NLRP12: variants seen among roughly 807,000 people sequenced by gnomAD.
NLRP12 encodes the protein NLR family pyrin domain containing 12.
A neutral mutation model predicts 91.2 loss-of-function variants in NLRP12; 108 were observed. The observed-to-expected ratio is 1.18, with a 90% CI of 1.01 to 1.39. NLRP12 has a LOEUF of 1.39. Ranked by LOEUF, NLRP12 falls within the 40% of genes most tolerant of loss-of-function variation. The pLI is 0.00. For missense variants in NLRP12, 1,530 were observed against 1,352.7 expected, an observed-to-expected ratio of 1.13 and a Z score of -2.06; for synonymous variants, 613 against 566.7, an observed-to-expected ratio of 1.08 and a Z score of -1.16.
chr19:53,811,900 G>A (rs1047251799), intron 2 of NLRP12, among the ~76,000 whole-genome samples: 3 of 152,034 alleles, frequency 2.0e-5, no homozygotes, highest in South Asian at 2.1e-4. Context: ...TTTATAGAAC[G>A]GGTACATTAC....
intron 5 of NLRP12, among the ~76,000 whole-genome samples, chr19:53,804,739 T>A (rs1053879925): frequency 1.5e-4 from 22 of 146,160 alleles, no homozygotes; most frequent in Admixed American, 8.2e-4. Context: ...AAAAAAAAAT[T>A]TTTGTAGGTC....
rs759470723 is a variant in NLRP12, at chr19:53,807,599, T to C, written c.2139A>G (p.Pro713=). 4 of 1,613,992 alleles carry C rather than the reference T, an allele frequency of 2.5e-6. No homozygotes were observed. The highest frequency in any genetic ancestry group is 3.4e-6 in the Non-Finnish European group (4 of 1,180,022). ...GGTACAGAGACAGCTCTATCAGGTT[T>C]GGATTGGTGCACAGGGCCGCTGCCA... is the stretch of plus-strand genomic sequence containing the variant. ...EHLAAALCTN[P]NLIELSLYRN... Residue 713 remains proline, a synonymous_variant, in exon 4 of 10, where the codon CCA becomes CCG. Coordinates refer to ENST00000324134, the MANE Select transcript of NLRP12 (RefSeq NM_144687.4).
At chr19:53,822,513 A>G (rs1158434781) in intron 1 of NLRP12, among the ~76,000 whole-genome samples, 5 of 151,984 alleles carry the variant, frequency 3.3e-5, no homozygotes, top group Non-Finnish European at 7.4e-5. Flanking sequence ...TGGGTGGATC[A>G]CGAGGTCAGA....
At chr19:53,813,866 T>TTG (rs2092117907) in intron 2 of NLRP12, among the ~76,000 whole-genome samples, 1 of 147,196 alleles carries the variant, frequency 6.8e-6, no homozygotes. Context: ...GTTCGATTTT[T>TTG]TGTTTTTTTT....
intron 1 of NLRP12, among the ~76,000 whole-genome samples, chr19:53,817,183 A>T (rs1218819946): frequency 6.6e-6 from 1 of 151,888 alleles, no homozygotes; most frequent in Non-Finnish European, 1.5e-5. Context: ...AGTCCCAGCA[A>T]TTTGGGAGGC....
chr19:53,803,883 A>G lies in NLRP12; in HGVS notation c.2585+69T>C, dbSNP rs1163956225. ...GCCACTGCGCCCGACCTGTGGATGC[A>G]TTTTTATACCATCATTCAATATGAA... On this transcript the variant is annotated intron_variant, in intron 6 of 9. Coordinates refer to ENST00000324134, the MANE Select transcript of NLRP12 (RefSeq NM_144687.4). 7.2e-6 allele frequency: 11 copies of G among 1,533,258 alleles called. No individual in the cohort carries two copies. In the Admixed American group the frequency reaches 1.7e-4, roughly 23 times the overall value. The allele number at this position is 1,533,258 out of a possible 1,614,324, so 95.0% of individuals were successfully genotyped here. A position where few individuals can be genotyped will look rare whatever the true frequency, so the allele number is the denominator to read the frequency against.
intron 6 of NLRP12, chr19:53,803,628 CAG>C: frequency 2.7e-6 from 1 of 373,564 alleles, no homozygotes; most frequent in South Asian, 2.1e-5. Flanking sequence ...GGCTGGAGTG[CAG>C]TGACGTGATC....
At position 53,811,194 on chromosome 19, in the gene NLRP12, G is replaced by T; in HGVS notation, c.465C>A (p.His155Gln). Reference sequence around the variant, plus strand: ...TCACCAGCAGGAGCCGGGTGTACCGGTGGCTGAGGTTGACACATTCCCCTA... The same window carrying T: ...TCACCAGCAGGAGCCGGGTGTACCGTTGGCTGAGGTTGACACATTCCCCTA... ...ARLGECVNLS[H>Q]RYTRLLLVKE... The change falls in exon 3 of 10, where the codon CAC (histidine) becomes CAA (glutamine). Residue 155 changes from histidine to glutamine, a missense_variant. By Grantham distance (24) the His-to-Gln change is conservative. Transcript: ENST00000324134. 6.2e-7 allele frequency: 1 copy of T among 1,614,128 alleles called. No homozygotes were observed. The highest frequency in any genetic ancestry group is 8.5e-7 in the Non-Finnish European group (1 of 1,180,028).
In NLRP12 at chr19:53,798,271, G is replaced by A. The variant is rs2091805823; in HGVS notation, c.2899C>T (p.His967Tyr). The A allele has an allele frequency of 1.2e-6, 2 of 1,614,090 alleles. No homozygotes were observed. The highest frequency in any genetic ancestry group is 1.3e-5 in the African/African-American group (1 of 74,942). ...GLWLLAEGLQ[H>Y]PACRLQKLWL... Reference sequence around the variant, plus strand: ...AGTTTCTGGAGTCTGCAGGCGGGATGTTGCAGCCCCTCAGCCAGCAACCAC... The same window carrying A: ...AGTTTCTGGAGTCTGCAGGCGGGATATTGCAGCCCCTCAGCCAGCAACCAC... The change falls in exon 8 of 10, where the codon CAT (histidine) becomes TAT (tyrosine). Residue 967 changes from histidine to tyrosine, a missense_variant. By Grantham distance (83) the His-to-Tyr change is moderately conservative. Transcript: ENST00000324134.
intron 4 of NLRP12, 71 bp from the exon 5 acceptor site, chr19:53,805,521 CTTTT>C: frequency 4.2e-6 from 5 of 1,179,368 alleles, no homozygotes; most frequent in Non-Finnish European, 5.9e-6. Context: ...TTTTCTTTTG[CTTTT>C]TTTTTTTTTT....
At chr19:53,804,383 T>G (rs1315257962) in intron 5 of NLRP12, among the ~76,000 whole-genome samples, 4 of 139,564 alleles carry the variant, frequency 2.9e-5, no homozygotes, top group Admixed American at 2.4e-4. Flanking sequence ...TTGTTTTTTG[T>G]TTTTTTTGGG....
intron 1 of NLRP12, among the ~76,000 whole-genome samples, chr19:53,815,202 G>A (rs932968250): frequency 1.4e-5 from 2 of 147,992 alleles, no homozygotes; most frequent in South Asian, 4.3e-4. Context: ...ATGGTCATTG[G>A]CACCTCCATC....
intron 1 of NLRP12, among the ~76,000 whole-genome samples, chr19:53,821,031 C>CT (rs1158419664): frequency 0.015 from 1,233 of 81,268 alleles, 52 homozygotes; most frequent in East Asian, 0.027. Context: ...CATATTTTTT[C>CT]TTTTTTTTTT....
intron 1 of NLRP12, among the ~76,000 whole-genome samples, chr19:53,819,605 ATATG>A (rs769133863): frequency 2.2e-5 from 2 of 91,552 alleles, no homozygotes; most frequent in Admixed American, 1.1e-4. Context: ...ATACGCATAT[ATATG>A]TATGTATACG....
intron 9 of NLRP12, 47 bp from the exon 10 acceptor site, chr19:53,794,183 T>G (rs564311054): frequency 8.1e-7 from 1 of 1,241,222 alleles, no homozygotes; most frequent in African/African-American, 1.5e-5. Context: ...ACTGTGGCAT[T>G]CAATTAATAA....
chr19:53,799,504 G>A (rs1360724484), intron 7 of NLRP12, among the ~76,000 whole-genome samples: 1 of 149,094 alleles, frequency 6.7e-6, no homozygotes, highest in Non-Finnish European at 1.5e-5. Context: ...TTTTTTTTGA[G>A]ATGGAATCTC....
In NLRP12 at chr19:53,810,800, C is replaced by G; in HGVS notation, c.859G>C (p.Glu287Gln). The change falls in exon 3 of 10, where the codon GAG (glutamate) becomes CAG (glutamine). Residue 287 changes from glutamate to glutamine, a missense_variant. Glu to Gln is a conservative substitution (Grantham distance 29, BLOSUM62 2). Coordinates refer to ENST00000324134, the MANE Select transcript of NLRP12 (RefSeq NM_144687.4). ...CCGTCGATGATGAAAAGGAGGCGCT[C>G]GGGAACTCGGATGAGCTCCTGGAGA... ...APLQELIRVP[E>Q]RLLFIIDGFD... 2 of 1,614,058 alleles carry G rather than the reference C, an allele frequency of 1.2e-6. No individual in the cohort carries two copies. Among genetic ancestry groups the G allele is most frequent in the Non-Finnish European group, 1.7e-6 (2 of 1,180,020 alleles).
Position 53,795,857 on chromosome 19 carries a change from ACCAGAGGACTCGGAGTTTGCAG to A in NLRP12, c.3078_3098+1del, listed in dbSNP as rs1064796908. ...CAGAAAGAACTGGTCATCATCCCTC[ACCAGAGGACTCGGAGTTTGCAG>A]CCAGGATGGCTCAGCCGCTTGCAAA... On this transcript the variant is annotated splice_donor_variant and coding_sequence_variant, in exon 9 of 10. Transcript: ENST00000324134. LOFTEE classifies it high-confidence loss of function. 2.0e-5 allele frequency: 32 copies of A among 1,613,614 alleles called. No individual in the cohort carries two copies. The highest frequency in any genetic ancestry group is 2.5e-5 in the Non-Finnish European group (30 of 1,179,832).
In NLRP12 at chr19:53,801,481, C is replaced by T. The variant is rs67215917; in HGVS notation, c.2586-84G>A. The T allele has an allele frequency of 0.12, 177,926 of 1,475,564 alleles. 12,010 individuals carry two copies. The highest frequency in any genetic ancestry group is 0.24 in the African/African-American group (15,729 of 64,804). 91.4% of individuals were successfully genotyped at this position (1,475,564 alleles called of 1,614,324 possible). On this transcript the variant is annotated intron_variant, in intron 6 of 9. Transcript: ENST00000324134. ...TTTTTTTTTTTTTTGAGACAGAGTC[C>T]CACTCTGTTGCCCAGGCTGGAATGC...
Sources: gnomAD v4.1 joint callset for allele counts (sites outside exome capture counted in the v4.1 genomes callset) on GRCh38, gnomAD v4.1.1 for gene constraint, MANE v1.5 for transcripts, NCBI Gene and HGNC (gene_info 2026-07-23, HGNC 2026-07-21) for gene names.